The following LRRC28 variants were observed in gnomAD, a reference collection of about 807,000 sequenced individuals.
LRRC28 encodes leucine rich repeat containing 28, also known as leucine-rich repeat-containing protein 28.
LRRC28 carries 39 observed loss-of-function variants against 45.7 expected under a neutral mutation model. The ratio of observed to expected loss-of-function variants is 0.85; its 90% CI spans 0.66 to 1.12. The LOEUF (loss-of-function observed/expected upper bound fraction) is 1.12. Among genes scored for constraint, LRRC28 ranks in the 50% most tolerant of loss-of-function variants. The pLI is 0.00. For missense variants in LRRC28, 435 were observed against 438.5 expected, an observed-to-expected ratio of 0.99 and a Z score of 0.07; for synonymous variants, 206 against 178.8, an observed-to-expected ratio of 1.15 and a Z score of -1.22.
chr15:99,329,881 A>G (rs1956104344), intron 5 of LRRC28, among the ~76,000 whole-genome samples: 1 of 152,078 alleles, frequency 6.6e-6, no homozygotes, highest in Non-Finnish European at 1.5e-5. Flanking sequence ...TTTTTGACAT[A>G]TTTCCTTATG....
At chr15:99,330,203 G>C (rs1465551634) in intron 5 of LRRC28, among the ~76,000 whole-genome samples, 3 of 152,068 alleles carry the variant, frequency 2.0e-5, no homozygotes. Flanking sequence ...TTCAACATTT[G>C]GCATTATGGT....
chr15:99,360,080 C>A (rs1445742954), intron 7 of LRRC28, among the ~76,000 whole-genome samples: 5 of 152,192 alleles, frequency 3.3e-5, no homozygotes, highest in Non-Finnish European at 5.9e-5. Flanking sequence ...GAAAAAAAAA[C>A]CACACCTAAC....
chr15:99,371,612 A>C lies in LRRC28; in HGVS notation c.1031+8347A>C, dbSNP rs115210577. Among the ~76,000 whole-genome samples the C allele has an allele frequency of 8.4e-4, 128 of 152,258 alleles. 1 individual carries two copies. Among genetic ancestry groups the C allele is most frequent in the African/African-American group, 2.9e-3 (122 of 41,534 alleles). On this transcript the variant is annotated intron_variant, in intron 9 of 9. Coordinates refer to ENST00000301981, the MANE Select transcript of LRRC28 (RefSeq NM_144598.5). ...CTTTTTGTGGCTATTGCTTCTTTGA[A>C]GCCAAGTAATATCAGTCACACCAAC...
intron 9 of LRRC28, among the ~76,000 whole-genome samples, chr15:99,367,456 A>G (rs923163571): frequency 1.3e-4 from 20 of 152,054 alleles, no homozygotes; most frequent in Admixed American, 5.2e-4. Flanking sequence ...AATCAGACCA[A>G]ACTTGTCCTT....
chr15:99,335,633 A>C (rs974589478), intron 6 of LRRC28, among the ~76,000 whole-genome samples: 1 of 152,006 alleles, frequency 6.6e-6, no homozygotes, highest in East Asian at 1.9e-4. Context: ...TAGCCACTGC[A>C]CTCCAGCCTG....
intron 2 of LRRC28, chr15:99,259,174 C>T (rs573297456): frequency 6.8e-6 from 8 of 1,179,826 alleles, no homozygotes; most frequent in African/African-American, 1.5e-5. Context: ...ATCCAGCTGA[C>T]ATTACTAGCC....
chr15:99,260,104 G>GC (rs967273813), intron 2 of LRRC28: 5 of 460,524 alleles, frequency 1.1e-5, no homozygotes, highest in Non-Finnish European at 1.3e-5. Flanking sequence ...TGTTTTGGAT[G>GC]CCCCCCACCA....
chr15:99,327,655 CTT>C (rs1363582250), intron 5 of LRRC28, among the ~76,000 whole-genome samples: 1 of 151,570 alleles, frequency 6.6e-6, no homozygotes, highest in Non-Finnish European at 1.5e-5. Context: ...ATTTTGTTGT[CTT>C]TTTAAAGAAC....
intron 2 of LRRC28, among the ~76,000 whole-genome samples, chr15:99,261,130 A>G (rs1050536742): frequency 1.3e-5 from 2 of 152,200 alleles, no homozygotes; most frequent in Admixed American, 1.3e-4. Context: ...GGACGATTGC[A>G]TGACAAAAGT....
chr15:99,288,984 A>G (rs1435455750), intron 5 of LRRC28, among the ~76,000 whole-genome samples: 1 of 152,106 alleles, frequency 6.6e-6, no homozygotes, highest in African/African-American at 2.4e-5. Flanking sequence ...CTGACCTAGT[A>G]TGTTAACTTT....
chr15:99,354,661 G>T (rs1439919845), intron 7 of LRRC28, among the ~76,000 whole-genome samples: 1 of 152,228 alleles, frequency 6.6e-6, no homozygotes, highest in Non-Finnish European at 1.5e-5. Context: ...AAGCGATGCA[G>T]TACCTGCCCG....
chr15:99,301,544 A>G (rs554159415), intron 5 of LRRC28, among the ~76,000 whole-genome samples: 1 of 152,348 alleles, frequency 6.6e-6, no homozygotes, highest in South Asian at 2.1e-4. Context: ...CTATAAAATT[A>G]TTGTTACTTG....
At chr15:99,380,330 G>A (rs1045000514) in intron 9 of LRRC28, among the ~76,000 whole-genome samples, 1 of 152,112 alleles carries the variant, frequency 6.6e-6, no homozygotes, top group Non-Finnish European at 1.5e-5. Flanking sequence ...TTGGTTTAAA[G>A]TCTGTTTTGT....
chr15:99,272,705 A>C (rs944546861), intron 2 of LRRC28, among the ~76,000 whole-genome samples: 1 of 152,228 alleles, frequency 6.6e-6, no homozygotes, highest in Non-Finnish European at 1.5e-5. Context: ...ATAATAATGT[A>C]AATGAGATTT....
intron 7 of LRRC28, among the ~76,000 whole-genome samples, chr15:99,360,096 T>A (rs1957160168): frequency 6.6e-6 from 1 of 152,108 alleles, no homozygotes. Flanking sequence ...CTAACAGTCT[T>A]CCCCGTGAAT....
intron 6 of LRRC28, among the ~76,000 whole-genome samples, chr15:99,343,972 C>G (rs1956601941): frequency 6.6e-6 from 1 of 152,164 alleles, no homozygotes; most frequent in African/African-American, 2.4e-5. Context: ...ACAGCATCGC[C>G]TTTACAGCCT....
At chr15:99,298,261 T>C (rs551584725) in intron 5 of LRRC28, among the ~76,000 whole-genome samples, 4 of 152,332 alleles carry the variant, frequency 2.6e-5, no homozygotes, top group African/African-American at 9.6e-5. Context: ...TGGTGTATTA[T>C]AGGCTTGGTG....
intron 5 of LRRC28, among the ~76,000 whole-genome samples, chr15:99,319,727 C>T (rs918242529): frequency 6.6e-6 from 1 of 151,604 alleles, no homozygotes; most frequent in Middle Eastern, 3.4e-3. Flanking sequence ...GCAAGCTTGG[C>T]ACCTAGACAT....
intron 5 of LRRC28, among the ~76,000 whole-genome samples, chr15:99,294,326 CT>C (rs1489602599): frequency 1.3e-5 from 2 of 151,926 alleles, no homozygotes; most frequent in Non-Finnish European, 2.9e-5. Flanking sequence ...GGTCAGTGAA[CT>C]TTGTTCTTCT....
Sources: gnomAD v4.1 joint callset for allele counts (sites outside exome capture counted in the v4.1 genomes callset) on GRCh38, gnomAD v4.1.1 for gene constraint, MANE v1.5 for transcripts, NCBI Gene and HGNC (gene_info 2026-07-23, HGNC 2026-07-21) for gene names.